The following CSMD1 variants were observed in gnomAD, a reference collection of about 807,000 sequenced individuals.
The protein encoded by CSMD1 is CUB and Sushi multiple domains 1, also known as CUB and sushi domain-containing protein 1.
In CSMD1, 213 loss-of-function variants were observed where a neutral mutation model predicts 417.5. That is an observed-to-expected ratio of 0.51 (90% CI 0.46 to 0.57). CSMD1 has a LOEUF of 0.57. Ranked by LOEUF, CSMD1 falls within the 20% of genes least tolerant of loss-of-function variation. CSMD1 has a pLI of 0.00. For synonymous variants in CSMD1, 2,862 were observed against 1,736.8 expected, an observed-to-expected ratio of 1.65 and a Z score of -16.11; for missense variants, 6,923 against 4,529.7, an observed-to-expected ratio of 1.53 and a Z score of -15.17.
At chr8:4,569,831 G>C (rs771737573) in intron 2 of CSMD1, among the ~76,000 whole-genome samples, 6 of 152,070 alleles carry the variant, frequency 3.9e-5, no homozygotes, top group Non-Finnish European at 8.8e-5. Context: ...GCACTGATTT[G>C]TAGTTCTCCT....
chr8:4,096,743 T>C (rs776252938), intron 3 of CSMD1, among the ~76,000 whole-genome samples: 5 of 152,102 alleles, frequency 3.3e-5, no homozygotes, highest in South Asian at 2.1e-4. Flanking sequence ...AAAAAGAATA[T>C]TGTATGAGTT....
intron 23 of CSMD1, among the ~76,000 whole-genome samples, chr8:3,328,192 G>T (rs996194115): frequency 2.0e-5 from 3 of 152,104 alleles, no homozygotes; most frequent in Non-Finnish European, 4.4e-5. Context: ...TAATTAAACC[G>T]ATGCCTCCTT....
intron 26 of CSMD1, among the ~76,000 whole-genome samples, chr8:3,240,022 C>A (rs569744838): frequency 7.2e-5 from 11 of 152,136 alleles, no homozygotes; most frequent in African/African-American, 2.2e-4. Context: ...GTTATGAGAA[C>A]TGTAGAGAGT....
chr8:3,157,725 A>G (rs1465216342), intron 39 of CSMD1, among the ~76,000 whole-genome samples, 172 bp downstream of exon 39: 1 of 152,202 alleles, frequency 6.6e-6, no homozygotes, highest in African/African-American at 2.4e-5. Context: ...TCCAGTGGGG[A>G]AGGTGCAGGT....
intron 36 of CSMD1, among the ~76,000 whole-genome samples, chr8:3,182,512 GC>G (rs1419662237): frequency 6.6e-6 from 1 of 151,700 alleles, no homozygotes; most frequent in Non-Finnish European, 1.5e-5. Flanking sequence ...ACTGCACCCG[GC>G]CCCCAAGAGA....
chr8:4,295,302 C>A (rs1252217592), intron 3 of CSMD1, among the ~76,000 whole-genome samples: 2 of 93,982 alleles, frequency 2.1e-5, no homozygotes, highest in Non-Finnish European at 4.7e-5. Context: ...TTAAGATTAT[C>A]TATATAATCT....
At chr8:4,205,077 G>A (rs777530452) in intron 3 of CSMD1, among the ~76,000 whole-genome samples, 1 of 152,070 alleles carries the variant, frequency 6.6e-6, no homozygotes, top group African/African-American at 2.4e-5. Flanking sequence ...AGAGTTTACT[G>A]TAAACATCAA....
At chr8:3,723,324 C>T (rs376727869) in intron 6 of CSMD1, among the ~76,000 whole-genome samples, 2 of 152,228 alleles carry the variant, frequency 1.3e-5, no homozygotes, top group East Asian at 3.9e-4. Context: ...TTTAAGGGCT[C>T]ATTTGATTAG....
intron 1 of CSMD1, among the ~76,000 whole-genome samples, chr8:4,690,728 G>T (rs575097673): frequency 6.6e-6 from 1 of 151,984 alleles, no homozygotes; most frequent in Non-Finnish European, 1.5e-5. Flanking sequence ...CTGAAATCTT[G>T]ATATTATTAT....
chr8:4,652,696 G>A (rs1001609705), intron 1 of CSMD1, among the ~76,000 whole-genome samples: 3 of 152,038 alleles, frequency 2.0e-5, no homozygotes, highest in African/African-American at 7.2e-5. Context: ...CAGCCATCAG[G>A]GCAATCCCAA....
At chr8:3,400,805 T>C (rs1450695675) in intron 15 of CSMD1, among the ~76,000 whole-genome samples, 1 of 151,198 alleles carries the variant, frequency 6.6e-6, no homozygotes. Flanking sequence ...TTTTTTGATA[T>C]ATTATATATA....
intron 5 of CSMD1, among the ~76,000 whole-genome samples, chr8:3,936,559 C>T (rs865817531): frequency 1.3e-5 from 2 of 152,084 alleles, no homozygotes; most frequent in East Asian, 1.9e-4. Flanking sequence ...ACAACAAAGC[C>T]GGGAAGATAG....
chr8:4,737,508 A>C (rs2617062), intron 1 of CSMD1, among the ~76,000 whole-genome samples: 45,497 of 152,108 alleles, frequency 0.3, 7,613 homozygotes, highest in East Asian at 0.54. Flanking sequence ...TTAAAAAAAA[A>C]CATAAAACAT....
intron 1 of CSMD1, among the ~76,000 whole-genome samples, chr8:4,952,068 G>C (rs1191331340): frequency 1.3e-5 from 2 of 151,460 alleles, no homozygotes; most frequent in Admixed American, 6.6e-5. Context: ...GTAATTGTAA[G>C]CAAATATGCT....
At chr8:4,124,053 T>C (rs765992239) in intron 3 of CSMD1, among the ~76,000 whole-genome samples, 6 of 152,090 alleles carry the variant, frequency 3.9e-5, no homozygotes, top group Non-Finnish European at 7.4e-5. Context: ...CGGAACGACA[T>C]TCCCAACACA....
intron 1 of CSMD1, among the ~76,000 whole-genome samples, chr8:4,680,950 ATGTGTG>A (rs71209112): frequency 0.055 from 7,894 of 144,358 alleles, 239 homozygotes; most frequent in East Asian, 0.093. Flanking sequence ...ATCTATATTG[ATGTGTG>A]TGTGTGTGTG....
intron 21 of CSMD1, among the ~76,000 whole-genome samples, chr8:3,351,572 G>C (rs1197191956): frequency 6.8e-6 from 1 of 147,926 alleles, no homozygotes; most frequent in Non-Finnish European, 1.5e-5. Context: ...ATTTCAGCCT[G>C]GGCGACACAG....
At chr8:4,637,222 A>T in intron 2 of CSMD1, 120 bp downstream of exon 2, 1 of 809,340 alleles carries the variant, frequency 1.2e-6, no homozygotes, top group Non-Finnish European at 2.0e-6. Flanking sequence ...CAGCGAGGCC[A>T]CGAACCCACC....
intron 62 of CSMD1, among the ~76,000 whole-genome samples, 176 bp downstream of exon 62, chr8:2,960,965 T>TATATATATATATATATATAC (rs1462555176): frequency 1.5e-5 from 2 of 131,054 alleles, no homozygotes; most frequent in African/African-American, 7.1e-5. Flanking sequence ...TATATATATA[T>TATATATATATATATATATAC]ACATATATTG....
Sources: allele counts gnomAD v4.1 joint callset (sites outside exome capture counted in the v4.1 genomes callset), GRCh38; gene constraint gnomAD v4.1.1; transcripts MANE v1.5; gene names NCBI Gene and HGNC (gene_info 2026-07-23, HGNC 2026-07-21).